CHRNA7: variants seen among roughly 807,000 people sequenced by gnomAD.
CHRNA7 encodes cholinergic receptor nicotinic alpha 7 subunit, also known as neuronal acetylcholine receptor subunit alpha-7.
Under a neutral mutation model 48.0 loss-of-function variants are expected in CHRNA7, and 17 were observed. The observed-to-expected ratio is 0.35, with a 90% CI of 0.24 to 0.53. The LOEUF (loss-of-function observed/expected upper bound fraction) is 0.53. Ranked by LOEUF, CHRNA7 falls within the 20% of genes least tolerant of loss-of-function variation. CHRNA7 has a pLI of 0.92. For synonymous variants in CHRNA7, 75 were observed against 242.3 expected (o/e 0.31, Z 6.41); for missense variants, 155 against 577.7 (o/e 0.27, Z 7.50).
In CHRNA7 at chr15:32,101,010, T is replaced by C. The variant is rs1234652774; in HGVS notation, c.196-293T>C. On this transcript the variant is annotated intron_variant, in intron 2 of 9. Transcript: ENST00000306901. ...ATTTAAAAATACAAAGATAAATAGC[T>C]AAATCATTAGCAGGCATCATTTCTG... The C allele has an allele frequency of 1.2e-5, 4 of 334,020 alleles. No homozygotes were observed. The East Asian group carries it at 2.0e-4, about 17-fold the overall frequency. 20.7% of individuals were successfully genotyped at this position (334,020 alleles called of 1,614,324 possible). A position where few individuals can be genotyped will look rare whatever the true frequency, so the allele number is the denominator to read the frequency against.
At chr15:32,075,129 CTTA>C (rs1595417092) in intron 2 of CHRNA7, among the ~76,000 whole-genome samples, 4 of 152,176 alleles carry the variant, frequency 2.6e-5, no homozygotes, top group African/African-American at 9.6e-5. Flanking sequence ...TGTGCTAACA[CTTA>C]TTATGGATTT....
At chr15:32,097,708 C>T (rs988561663) in intron 2 of CHRNA7, among the ~76,000 whole-genome samples, 3 of 152,224 alleles carry the variant, frequency 2.0e-5, no homozygotes, top group South Asian at 2.1e-4. Context: ...TACTGTTCTT[C>T]GGGAGACTAA....
At chr15:32,110,033 C>T (rs1401143630) in intron 3 of CHRNA7, among the ~76,000 whole-genome samples, 2 of 152,320 alleles carry the variant, frequency 1.3e-5, no homozygotes, top group South Asian at 2.1e-4. Context: ...CTACCATGCC[C>T]ACTTTCCAGG....
chr15:32,147,565 TAAAC>T (rs1260637623), intron 4 of CHRNA7, among the ~76,000 whole-genome samples: 3 of 151,868 alleles, frequency 2.0e-5, no homozygotes, highest in Non-Finnish European at 4.4e-5. Flanking sequence ...AATAAATAAA[TAAAC>T]AAATAATATA....
chr15:32,048,965 C>T (rs372320632), intron 2 of CHRNA7, among the ~76,000 whole-genome samples: 141 of 148,284 alleles, frequency 9.5e-4, no homozygotes, highest in African/African-American at 2.7e-3. Context: ...TCAGTTTCCA[C>T]GTAGTTGAGC....
chr15:32,139,032 G>A (rs34280620), intron 4 of CHRNA7, among the ~76,000 whole-genome samples: 20,756 of 152,214 alleles, frequency 0.14, 1,715 homozygotes, highest in Middle Eastern at 0.22. Flanking sequence ...GGGATTACAG[G>A]CGTGAGCCAC....
At chr15:32,101,455 AAAAACC>A in intron 3 of CHRNA7, 108 bp downstream of exon 3, 18 of 1,163,832 alleles carry the variant, frequency 1.5e-5, no homozygotes, top group Non-Finnish European at 1.9e-5. Context: ...GTTTAGGAAA[AAAAACC>A]AAAAAAACAA....
intron 2 of CHRNA7, among the ~76,000 whole-genome samples, chr15:32,056,414 T>C (rs1277319466): frequency 6.6e-6 from 1 of 152,216 alleles, no homozygotes; most frequent in Non-Finnish European, 1.5e-5. Context: ...CTAATTTATT[T>C]TGTTTTTCAA....
intron 6 of CHRNA7, 186 bp from the exon 7 acceptor site, chr15:32,158,225 CT>C (rs2051784661): frequency 1.8e-6 from 1 of 540,890 alleles, no homozygotes. Flanking sequence ...CCAACTATCA[CT>C]AAAATACTCT....
At chr15:32,134,191 C>G (rs1185751886) in intron 4 of CHRNA7, among the ~76,000 whole-genome samples, 2 of 151,808 alleles carry the variant, frequency 1.3e-5, no homozygotes, top group Admixed American at 1.3e-4. Context: ...CTGAGTCTGG[C>G]TCTGTCTCCC....
At chr15:32,108,175 A>G (rs866151032) in intron 3 of CHRNA7, among the ~76,000 whole-genome samples, 1 of 152,160 alleles carries the variant, frequency 6.6e-6, no homozygotes, top group African/African-American at 2.4e-5. Flanking sequence ...CAGCACAAAT[A>G]GGGCCCAGGT....
In CHRNA7 at chr15:32,118,971, G is replaced by A. The variant is rs532590091; in HGVS notation, c.350+7072G>A. ...TGCAGGGGCCCTGTCAAGAAGGCTT[G>A]TGAAAGACTTCGAAATGCAAAAAAA... On this transcript the variant is annotated intron_variant, in intron 4 of 9. Transcript: ENST00000306901. 2.4e-4 allele frequency among the ~76,000 whole-genome samples: 34 copies of A among 142,798 alleles called. 1 individual carries two copies. The highest frequency in any genetic ancestry group is 1.7e-4 in the Non-Finnish European group (11 of 65,680). The allele number at this position is 142,798 out of a possible 152,430, so 93.7% of individuals were successfully genotyped here.
At chr15:32,064,201 G>C (rs2049925081) in intron 2 of CHRNA7, among the ~76,000 whole-genome samples, 1 of 152,092 alleles carries the variant, frequency 6.6e-6, no homozygotes, top group Non-Finnish European at 1.5e-5. Flanking sequence ...TTATAGTACT[G>C]AAGTTGTCCT....
chr15:32,131,313 A>C (rs545658481), intron 4 of CHRNA7, among the ~76,000 whole-genome samples: 1 of 152,070 alleles, frequency 6.6e-6, no homozygotes, highest in African/African-American at 2.4e-5. Context: ...CATGACACAA[A>C]TATCAGATTT....
intron 8 of CHRNA7, 50 bp downstream of exon 8, chr15:32,159,705 AGT>A: frequency 1.8e-6 from 1 of 543,294 alleles, no homozygotes; most frequent in Non-Finnish European, 3.1e-6. Context: ...TTAGGGTTAG[AGT>A]GTGCCCAGGA....
intron 3 of CHRNA7, among the ~76,000 whole-genome samples, chr15:32,108,547 A>C (rs2050709718): frequency 6.6e-6 from 1 of 152,124 alleles, no homozygotes; most frequent in South Asian, 2.1e-4. Flanking sequence ...TTCCATATCC[A>C]TTCTTGGGAA....
At chr15:32,030,708 C>A in intron 1 of CHRNA7, 59 bp downstream of exon 1, 1 of 1,540,182 alleles carries the variant, frequency 6.5e-7, no homozygotes, top group South Asian at 1.2e-5. Flanking sequence ...ACATCCCGGG[C>A]GCCTCTGTGC....
In CHRNA7 at chr15:32,136,088, GT is replaced by G. The variant is rs1302650712; in HGVS notation, c.351-17816del. On this transcript the variant is annotated intron_variant, in intron 4 of 9. Coordinates refer to ENST00000306901, the MANE Select transcript of CHRNA7 (RefSeq NM_000746.6). ...CTATTTTAAAAAACTACCAGAAGACGTTTAGGAACTAGGCATGAGAAGCAGT... is the reference window on the plus strand; with the variant it reads ...CTATTTTAAAAAACTACCAGAAGACGTTAGGAACTAGGCATGAGAAGCAGT... Among the ~76,000 whole-genome samples, 6 of 152,220 alleles carry G rather than the reference GT, an allele frequency of 3.9e-5. No homozygotes were observed. In the East Asian group the frequency reaches 1.2e-3, roughly 29 times the overall value.
chr15:32,095,616 T>G (rs1379845649), intron 2 of CHRNA7, among the ~76,000 whole-genome samples: 1 of 152,198 alleles, frequency 6.6e-6, no homozygotes, highest in African/African-American at 2.4e-5. Flanking sequence ...AGTCTGCTGC[T>G]GGTCCCTATG....
Sources: allele counts gnomAD v4.1 joint callset (sites outside exome capture counted in the v4.1 genomes callset), GRCh38; gene constraint gnomAD v4.1.1; transcripts MANE v1.5; gene names NCBI Gene and HGNC (gene_info 2026-07-23, HGNC 2026-07-21).